STPG2: variants seen among roughly 807,000 people sequenced by gnomAD.
The protein encoded by STPG2 is sperm tail PG-rich repeat containing 2.
Under a neutral mutation model 54.2 loss-of-function variants are expected in STPG2, and 56 were observed. The ratio of observed to expected loss-of-function variants is 1.03; its 90% CI spans 0.83 to 1.29. The LOEUF (loss-of-function observed/expected upper bound fraction) is 1.29, where lower values mean the gene tolerates loss of function less well. Ranked by LOEUF, STPG2 falls within the 50% of genes most tolerant of loss-of-function variation. STPG2 has a pLI of 0.00. For missense variants in STPG2, 596 were observed against 544.9 expected (o/e 1.09, Z -0.93); for synonymous variants, 200 against 181.8 (o/e 1.10, Z -0.81).
intron 8 of STPG2, 68 bp downstream of exon 8, chr4:97,943,829 T>C (rs1733094181): frequency 4.1e-6 from 5 of 1,224,184 alleles, no homozygotes; most frequent in Admixed American, 5.2e-5. Flanking sequence ...TAATATAATG[T>C]TTATGTTATG....
At chr4:97,993,603 T>C (rs745448181) in intron 5 of STPG2, among the ~76,000 whole-genome samples, 1 of 152,038 alleles carries the variant, frequency 6.6e-6, no homozygotes, top group Non-Finnish European at 1.5e-5. Context: ...ACTGGCTTCA[T>C]AGAATAATTG....
At chr4:97,462,100 AT>A (rs1560618890) in intron 4 of STPG2, among the ~76,000 whole-genome samples, 1 of 151,984 alleles carries the variant, frequency 6.6e-6, no homozygotes, top group Non-Finnish European at 1.5e-5. Flanking sequence ...TCAACAACAC[AT>A]CTGGAATCAA....
chr4:97,926,397 C>T (rs753428566), intron 8 of STPG2, among the ~76,000 whole-genome samples: 3 of 152,118 alleles, frequency 2.0e-5, no homozygotes, highest in Non-Finnish European at 4.4e-5. Context: ...AAGAAGGGCT[C>T]TCTCTTTCAT....
Position 97,917,884 on chromosome 4 carries a change from G to A in STPG2, c.1044+26013C>T, listed in dbSNP as rs530300725. On this transcript the variant is annotated intron_variant, in intron 8 of 10. Coordinates refer to ENST00000295268, the MANE Select transcript of STPG2 (RefSeq NM_174952.3). ...ATTTCATAACTATATCCATTCCACC[G>A]TTGAGGTAGGACACTACTCATAGGA... is the stretch of plus-strand genomic sequence containing the variant. 1.6e-3 allele frequency among the ~76,000 whole-genome samples: 246 copies of A among 151,860 alleles called. 1 individual carries two copies. The highest frequency in any genetic ancestry group is 5.6e-3 in the African/African-American group (233 of 41,412).
chr4:97,922,741 A>C (rs1732155107), intron 8 of STPG2, among the ~76,000 whole-genome samples: 1 of 152,212 alleles, frequency 6.6e-6, no homozygotes, highest in Non-Finnish European at 1.5e-5. Context: ...TAGGGGAAGA[A>C]GGGATTTCCC....
At chr4:98,135,081 TG>T (rs1260337734) in intron 1 of STPG2, among the ~76,000 whole-genome samples, 2 of 151,804 alleles carry the variant, frequency 1.3e-5, no homozygotes, top group Non-Finnish European at 3.0e-5. Context: ...ATTCAAGATC[TG>T]TATTGGAAAA....
chr4:97,562,610 C>T (rs1282814666), intron 10 of STPG2, among the ~76,000 whole-genome samples: 1 of 152,102 alleles, frequency 6.6e-6, no homozygotes, highest in Non-Finnish European at 1.5e-5. Context: ...TTTTGAGATA[C>T]TTCCCATCAA....
intron 10 of STPG2, among the ~76,000 whole-genome samples, chr4:97,691,658 C>T (rs986557584): frequency 6.6e-6 from 1 of 152,090 alleles, no homozygotes; most frequent in Admixed American, 6.6e-5. Context: ...ACCACCTAAC[C>T]CTAGGGCAAG....
At chr4:97,937,482 G>T (rs1370017779) in intron 8 of STPG2, among the ~76,000 whole-genome samples, 1 of 152,122 alleles carries the variant, frequency 6.6e-6, no homozygotes, top group Non-Finnish European at 1.5e-5. Flanking sequence ...AATTTTTGCG[G>T]TTTTTTGTTA....
chr4:98,011,488 G>A (rs993028252), intron 5 of STPG2, among the ~76,000 whole-genome samples: 4 of 152,166 alleles, frequency 2.6e-5, no homozygotes, highest in Non-Finnish European at 5.9e-5. Context: ...TAATGGGATT[G>A]TTGGGTCAAA....
At chr4:98,110,801 C>T (rs182012610) in intron 3 of STPG2, among the ~76,000 whole-genome samples, 2 of 152,134 alleles carry the variant, frequency 1.3e-5, no homozygotes, top group Middle Eastern at 3.4e-3. Context: ...GATTTGTAAC[C>T]GCTAAGTTGT....
At chr4:97,459,426 G>A (rs1049372317) in intron 4 of STPG2, among the ~76,000 whole-genome samples, 1 of 149,266 alleles carries the variant, frequency 6.7e-6, no homozygotes, top group African/African-American at 2.5e-5. Flanking sequence ...TTCAAAGGAT[G>A]CCTGTTTTTT....
intron 9 of STPG2, among the ~76,000 whole-genome samples, chr4:97,811,963 C>G (rs1439779751): frequency 6.6e-6 from 1 of 151,912 alleles, no homozygotes; most frequent in Non-Finnish European, 1.5e-5. Flanking sequence ...GAAATGTTTA[C>G]AGAAAGATAA....
chr4:97,860,458 T>G (rs1729484517), intron 8 of STPG2, among the ~76,000 whole-genome samples: 1 of 149,630 alleles, frequency 6.7e-6, no homozygotes, highest in African/African-American at 2.4e-5. Flanking sequence ...TGGTCAGGTA[T>G]ATTCCTAAGT....
intron 10 of STPG2, among the ~76,000 whole-genome samples, chr4:97,705,436 G>A (rs906313625): frequency 3.3e-5 from 5 of 151,808 alleles, no homozygotes; most frequent in Admixed American, 2.0e-4. Flanking sequence ...AGCGATCCTC[G>A]TGTCTCTGCC....
intron 5 of STPG2, chr4:98,026,342 GT>G: frequency 2.0e-6 from 1 of 503,300 alleles, no homozygotes. Context: ...GGAGTGTACC[GT>G]GTTAGTTACC....
chr4:97,645,372 T>A (rs532461281), intron 10 of STPG2, among the ~76,000 whole-genome samples: 1 of 151,958 alleles, frequency 6.6e-6, no homozygotes, highest in East Asian at 1.9e-4. Context: ...GTTCCTCAGA[T>A]AAAGGACGTG....
At chr4:97,786,806 G>C (rs1234545455) in intron 9 of STPG2, among the ~76,000 whole-genome samples, 1 of 151,674 alleles carries the variant, frequency 6.6e-6, no homozygotes. Flanking sequence ...CTCACCTGTT[G>C]GTCACTTAGT....
At position 97,552,825 on chromosome 4, in the gene STPG2, C is replaced by T. The variant is rs540220324; in HGVS notation, c.462+159874G>A. ...ACTTTTTTCAAGTTCTCAATGCATC[C>T]GAGCAGTTATTTTCCACGATACTAG... On this transcript the variant is annotated intron_variant, in intron 4 of 4. Coordinates refer to the STPG2 transcript ENST00000522676. Among the ~76,000 whole-genome samples, 376 of 152,168 alleles carry T rather than the reference C, an allele frequency of 2.5e-3. 2 individuals carry two copies. Among genetic ancestry groups the T allele is most frequent in the Non-Finnish European group, 4.1e-3 (281 of 67,964 alleles).
Sources: allele counts gnomAD v4.1 joint callset (sites outside exome capture counted in the v4.1 genomes callset), GRCh38; gene constraint gnomAD v4.1.1; transcripts MANE v1.5; gene names NCBI Gene and HGNC (gene_info 2026-07-23, HGNC 2026-07-21).